Variants in MLC1 observed in about 807,000 individuals in gnomAD.
MLC1 encodes membrane protein MLC1.
MLC1 carries 32 observed loss-of-function variants against 44.7 expected under a neutral mutation model. The ratio of observed to expected loss-of-function variants is 0.72; its 90% CI spans 0.54 to 0.96. The LOEUF is 0.96. Ranked by LOEUF, MLC1 falls within the 40% of genes least tolerant of loss-of-function variation. The pLI is 0.00. For synonymous variants in MLC1, 190 were observed against 213.0 expected (o/e 0.89, Z 0.94); for missense variants, 459 against 492.2 (o/e 0.93, Z 0.64).
chr22:50,068,471 T>G lies in MLC1; in HGVS notation c.856A>C (p.Ile286Leu). 6.2e-7 allele frequency: 1 copy of G among 1,613,754 alleles called. No homozygotes were observed. Among genetic ancestry groups the G allele is most frequent in the Non-Finnish European group, 8.5e-7 (1 of 1,179,754 alleles). Residue 286 changes from isoleucine to leucine, a missense_variant, in exon 10 of 12, where the codon ATC becomes CTC. Transcript: ENST00000311597. ...GGGTAATCCTTAAACATCTCCACGATTCTCATGATGCTGAATGACAGATAT... is the reference window on the plus strand; with the variant it reads ...GGGTAATCCTTAAACATCTCCACGAGTCTCATGATGCTGAATGACAGATAT... ...SGYLSFSIMR[I>L]VEMFKDYPPA...
chr22:50,072,697 T>G (rs1298439454), intron 8 of MLC1: 1 of 152,348 alleles, frequency 6.6e-6, no homozygotes, highest in East Asian at 1.9e-4. Context: ...TCCCTCAGCT[T>G]CGGGATGTAA....
rs528420517 is a variant in MLC1 at position 50,083,395 on chromosome 22, C to T, written c.178-222G>A. ...ATGGACCAGCCTCCCCCAGCCATGT[C>T]GGAGCATGGACCCCCCACGCTGTTA... On this transcript the variant is annotated intron_variant, in intron 2 of 11. Coordinates refer to ENST00000311597, the MANE Select transcript of MLC1 (RefSeq NM_015166.4). This position sits in a 1 kb window ranked among gnomAD's most constrained non-coding sequence, Gnocchi z 4.6. Among the ~76,000 whole-genome samples the T allele has an allele frequency of 5.9e-4, 90 of 152,224 alleles. 1 individual carries two copies. The highest frequency in any genetic ancestry group is 2.8e-3 in the Admixed American group (43 of 15,296).
At chr22:50,078,644 CAGG>C (rs1305145162) in intron 5 of MLC1, among the ~76,000 whole-genome samples, 1 of 151,066 alleles carries the variant, frequency 6.6e-6, no homozygotes, top group Non-Finnish European at 1.5e-5. Context: ...GAGGCTGAGA[CAGG>C]AGAATTGCTT....
intron 10 of MLC1, among the ~76,000 whole-genome samples, chr22:50,068,211 G>C (rs1292241639): frequency 6.6e-6 from 1 of 152,248 alleles, no homozygotes. Context: ...CTGTGAAGCA[G>C]GTGGTGGCCC....
intron 8 of MLC1, among the ~76,000 whole-genome samples, chr22:50,070,920 C>G (rs1316318577): frequency 6.6e-6 from 1 of 152,144 alleles, no homozygotes; most frequent in Non-Finnish European, 1.5e-5. Flanking sequence ...CTCTCTCCAG[C>G]TCTCCCAGAT....
chr22:50,068,315 C>G (rs2061762634), intron 10 of MLC1, 118 bp downstream of exon 10: 1 of 1,414,526 alleles, frequency 7.1e-7, no homozygotes, highest in Non-Finnish European at 9.8e-7. Context: ...GGAGGAGGTG[C>G]CTCCTGGAGC....
chr22:50,064,550 C>G (rs991801029), intron 10 of MLC1, among the ~76,000 whole-genome samples: 1 of 152,152 alleles, frequency 6.6e-6, no homozygotes, highest in East Asian at 1.9e-4. Context: ...AGAATGTCCG[C>G]GGGAGGCAGA....
Position 50,064,124 on chromosome 22 carries a change from G to A in MLC1, c.969C>T (p.Ala323=), listed in dbSNP as rs2146772052. The change falls in exon 11 of 12, where the codon GCC becomes GCT. Residue 323 remains alanine, a synonymous_variant. Coordinates refer to ENST00000311597, the MANE Select transcript of MLC1 (RefSeq NM_015166.4). ...TGACCTTGAAGCGCACGCACTGGAT[G>A]GCGGTGCCCGTGTTGAGGCCGGCCT... The part of the protein sequence containing the change: ...LLQAGLNTGT[A]IQCVRFKVSA... 6.2e-7 allele frequency: 1 copy of A among 1,609,368 alleles called. No homozygotes were observed. The highest frequency in any genetic ancestry group is 1.3e-5 in the African/African-American group (1 of 74,920).
intron 8 of MLC1, among the ~76,000 whole-genome samples, chr22:50,070,886 G>C (rs896161934): frequency 6.6e-6 from 1 of 152,144 alleles, no homozygotes; most frequent in African/African-American, 2.4e-5. Flanking sequence ...AAAATCACCA[G>C]AGTCCTTGAC....
intron 8 of MLC1, among the ~76,000 whole-genome samples, chr22:50,071,613 A>C (rs1399886729): frequency 6.6e-6 from 1 of 152,096 alleles, no homozygotes; most frequent in African/African-American, 2.4e-5. Context: ...GGAGCCTCGG[A>C]GGAGACTCTG....
intron 11 of MLC1, among the ~76,000 whole-genome samples, chr22:50,062,261 CAA>C (rs2061584348): frequency 7.8e-5 from 11 of 140,926 alleles, no homozygotes; most frequent in Non-Finnish European, 1.1e-4. Context: ...ACCCTGAGCC[CAA>C]GCCACCCACC....
chr22:50,075,543 T>C (rs2061958614), intron 7 of MLC1, among the ~76,000 whole-genome samples: 1 of 151,978 alleles, frequency 6.6e-6, no homozygotes, highest in African/African-American at 2.4e-5. Flanking sequence ...ACCCCGTCTC[T>C]ACTAAAAATA....
intron 8 of MLC1, among the ~76,000 whole-genome samples, 166 bp from the exon 9 acceptor site, chr22:50,070,749 C>A (rs557585719): frequency 6.6e-6 from 1 of 152,170 alleles, no homozygotes; most frequent in Non-Finnish European, 1.5e-5. Flanking sequence ...GGGGCAGGGA[C>A]GGGTCCGCAG....
intron 5 of MLC1, 90 bp from the exon 6 acceptor site, chr22:50,077,592 T>C: frequency 9.6e-7 from 1 of 1,046,922 alleles, no homozygotes. Flanking sequence ...ACGGGCAGGC[T>C]GCGCAGGACT....
chr22:50,080,231 T>C (rs562993773), intron 4 of MLC1, 113 bp downstream of exon 4: 3 of 1,385,570 alleles, frequency 2.2e-6, no homozygotes, highest in East Asian at 2.5e-5. Flanking sequence ...CGGGGGCCCC[T>C]CTCGGTGCCA....
At chr22:50,061,752 C>G in intron 11 of MLC1, 95 bp from the exon 12 acceptor site, 2 of 1,167,862 alleles carry the variant, frequency 1.7e-6, no homozygotes, top group East Asian at 2.4e-5. Flanking sequence ...GAGCAGCCAG[C>G]GTTCAGAAGT....
chr22:50,074,436 G>GCCCA, intron 7 of MLC1, 104 bp from the exon 8 acceptor site: 1 of 1,038,200 alleles, frequency 9.6e-7, no homozygotes, highest in Non-Finnish European at 1.5e-6. Flanking sequence ...GGTCCAGTGG[G>GCCCA]CTGGCCCCAG....
At chr22:50,074,745 A>G (rs1377648057) in intron 7 of MLC1, 1 of 286,640 alleles carries the variant, frequency 3.5e-6, no homozygotes, top group Non-Finnish European at 6.9e-6. Context: ...GTAGCTTCCC[A>G]TAGGACACAC....
chr22:50,077,508 A>G lies in MLC1; in HGVS notation c.424-6T>C, dbSNP rs2146885858. Reference sequence around the variant, plus strand: ...AGGATGAGGTTGAAGTTGATCTGCCAAGGGGCACACACGCTTCAGCACCGG... The same window carrying G: ...AGGATGAGGTTGAAGTTGATCTGCCGAGGGGCACACACGCTTCAGCACCGG... On this transcript the variant is annotated splice_polypyrimidine_tract_variant and splice_region_variant and intron_variant, in intron 5 of 11. Transcript: ENST00000311597. 6.2e-7 allele frequency: 1 copy of G among 1,611,758 alleles called. No individual in the cohort carries two copies. Among genetic ancestry groups the G allele is most frequent in the Admixed American group, 1.7e-5 (1 of 60,022 alleles).
Sources: gnomAD v4.1 joint callset for allele counts (sites outside exome capture counted in the v4.1 genomes callset) on GRCh38, gnomAD v4.1.1 for gene constraint, Gnocchi (gnomAD v3.1) non-coding constraint, MANE v1.5 for transcripts, NCBI Gene and HGNC (gene_info 2026-07-23, HGNC 2026-07-21) for gene names.